TOP6BL: variants seen among roughly 807,000 people sequenced by gnomAD.
TOP6BL encodes type 2 DNA topoisomerase 6 subunit B-like.
At chr11:66,798,452 T>C in the TOP6BL span, among the ~76,000 whole-genome samples, 1 of 151,372 alleles carries the variant, frequency 6.6e-6, no homozygotes, top group East Asian at 2.0e-4. Context: ...ATACAAAAAT[T>C]AGTCGGGTGT....
chr11:66,767,178 A>G, the TOP6BL span, among the ~76,000 whole-genome samples: 1 of 152,218 alleles, frequency 6.6e-6, no homozygotes, highest in Non-Finnish European at 1.5e-5. Flanking sequence ...AATAATGCCC[A>G]TTAAGATAGA....
At chr11:66,796,119 T>G in the TOP6BL span, 2 of 578,532 alleles carry the variant, frequency 3.5e-6, no homozygotes, top group Non-Finnish European at 6.2e-6. Context: ...GCTATTTAGA[T>G]TTTCTTTTGC....
the TOP6BL span, among the ~76,000 whole-genome samples, chr11:66,801,772 G>A: frequency 1.2e-4 from 19 of 152,234 alleles, no homozygotes; most frequent in Non-Finnish European, 1.5e-5. Context: ...GGAGGTGGAG[G>A]TTGCAGTGAG....
the TOP6BL span, among the ~76,000 whole-genome samples, chr11:66,784,230 TCA>T: frequency 2.0e-5 from 3 of 152,176 alleles, no homozygotes; most frequent in Admixed American, 6.5e-5. Context: ...AGACAGAGTT[TCA>T]CTGTGTTAGC....
the TOP6BL span, chr11:66,816,031 C>T: frequency 0.035 from 54,522 of 1,562,382 alleles, 1,117 homozygotes; most frequent in Non-Finnish European, 0.042. Flanking sequence ...CTTAGAAATT[C>T]GTGTAATATC....
At chr11:66,816,257 A>C in the TOP6BL span, 2 of 1,530,574 alleles carry the variant, frequency 1.3e-6, no homozygotes, top group African/African-American at 2.7e-5. Context: ...AGAGAGAGGG[A>C]AACTTTGTGT....
chr11:66,816,020 T>C, the TOP6BL span: 63 of 1,550,492 alleles, frequency 4.1e-5, no homozygotes, highest in Non-Finnish European at 4.9e-5. Flanking sequence ...GCTTTACTTA[T>C]CTTAGAAATT....
At chr11:66,843,329 T>C in the TOP6BL span, 1 of 1,496,754 alleles carries the variant, frequency 6.7e-7, no homozygotes, top group Non-Finnish European at 8.9e-7. Context: ...CACCAAGTCC[T>C]CTTCCGCGTC....
At chr11:66,833,542 G>A in the TOP6BL span, among the ~76,000 whole-genome samples, 123 of 152,256 alleles carry the variant, frequency 8.1e-4, 1 homozygote, top group African/African-American at 2.9e-3. Context: ...GGCATGTGCT[G>A]TTATCATAGG....
the TOP6BL span, chr11:66,761,577 A>C: frequency 1.8e-3 from 2,088 of 1,154,284 alleles, 11 homozygotes; most frequent in African/African-American, 0.012. Context: ...TGTCTGCTCT[A>C]CTGGCTCTTG....
the TOP6BL span, among the ~76,000 whole-genome samples, chr11:66,814,199 A>C: frequency 6.6e-6 from 1 of 151,972 alleles, no homozygotes; most frequent in Non-Finnish European, 1.5e-5. Flanking sequence ...AACAGGTGTC[A>C]AACAGGCAAG....
At chr11:66,812,366 C>T in the TOP6BL span, among the ~76,000 whole-genome samples, 2 of 152,064 alleles carry the variant, frequency 1.3e-5, no homozygotes, top group South Asian at 2.1e-4. Context: ...TTAGTAGAGA[C>T]GGGGTTTCAC....
the TOP6BL span, among the ~76,000 whole-genome samples, chr11:66,834,358 A>ATCCAGGTCATTGAGTG: frequency 6.6e-6 from 1 of 152,234 alleles, no homozygotes; most frequent in African/African-American, 2.4e-5. Flanking sequence ...CATTGAGTAG[A>ATCCAGGTCATTGAGTG]ACCCATGATT....
the TOP6BL span, among the ~76,000 whole-genome samples, chr11:66,792,779 G>A: frequency 6.6e-6 from 1 of 152,118 alleles, no homozygotes; most frequent in Non-Finnish European, 1.5e-5. Context: ...GTTGCTCAAG[G>A]AACTTTCACT....
the TOP6BL span, chr11:66,804,307 A>C: frequency 2.1e-6 from 2 of 932,730 alleles, no homozygotes; most frequent in Non-Finnish European, 3.1e-6. Context: ...TGATTTGTAT[A>C]AAAACATATA....
the TOP6BL span, among the ~76,000 whole-genome samples, chr11:66,811,227 G>T: frequency 5.3e-5 from 8 of 152,128 alleles, no homozygotes; most frequent in Non-Finnish European, 1.2e-4. Flanking sequence ...GAGTGCAGTG[G>T]TGTGATCTCA....
chr11:66,839,416 C>T, the TOP6BL span, among the ~76,000 whole-genome samples: 3 of 152,198 alleles, frequency 2.0e-5, no homozygotes, highest in South Asian at 2.1e-4. Context: ...CTGGAAGAGC[C>T]GAATTAGCAG....
chr11:66,765,242 A>C, the TOP6BL span, among the ~76,000 whole-genome samples: 1 of 152,356 alleles, frequency 6.6e-6, no homozygotes, highest in East Asian at 1.9e-4. Flanking sequence ...ATGCCAATAC[A>C]AACTCTAGAC....
the TOP6BL span, chr11:66,843,447 CAG>C: frequency 7.1e-7 from 1 of 1,401,424 alleles, no homozygotes; most frequent in South Asian, 1.6e-5. Flanking sequence ...CGCCGCGGGT[CAG>C]GGCGCAATGG....
Sources: gnomAD v4.1 joint callset for allele counts (sites outside exome capture counted in the v4.1 genomes callset) on GRCh38, gnomAD v4.1.1 for gene constraint, MANE v1.5 for transcripts, NCBI Gene and HGNC (gene_info 2026-07-23, HGNC 2026-07-21) for gene names.